PRH1: variants seen among roughly 807,000 people sequenced by gnomAD.
PRH1 encodes salivary acidic proline-rich phosphoprotein 1/2.
Under a neutral mutation model 7.9 loss-of-function variants are expected in PRH1, and 7 were observed. The observed-to-expected ratio is 0.89, with a 90% CI of 0.50 to 1.67. The LOEUF is 1.67. Ranked by LOEUF, PRH1 falls within the 40% of genes most tolerant of loss-of-function variation. PRH1 has a pLI of 0.00. For missense variants in PRH1, 109 were observed against 223.6 expected (o/e 0.49, Z 3.27); for synonymous variants, 45 against 80.8 (o/e 0.56, Z 2.38).
intron 1 of PRH1, among the ~76,000 whole-genome samples, chr12:11,103,984 C>T (rs1030335076): frequency 1.3e-5 from 2 of 151,912 alleles, no homozygotes; most frequent in African/African-American, 4.8e-5. Context: ...GATAATCACA[C>T]GTGTTTAGAT....
intron 1 of PRH1, among the ~76,000 whole-genome samples, chr12:11,170,462 G>T (rs1947794477): frequency 6.6e-6 from 1 of 152,232 alleles, no homozygotes; most frequent in South Asian, 2.1e-4. Context: ...CAGGAGAATG[G>T]CGTGAACCCG....
chr12:10,942,614 A>C (rs1390079729), intron 2 of PRH1, among the ~76,000 whole-genome samples: 1 of 152,172 alleles, frequency 6.6e-6, no homozygotes, highest in Non-Finnish European at 1.5e-5. Context: ...AGGGCTGAGA[A>C]CTTGCCACAG....
chr12:11,149,071 C>T (rs1458926562), intron 1 of PRH1, among the ~76,000 whole-genome samples: 4 of 151,408 alleles, frequency 2.6e-5, no homozygotes, highest in African/African-American at 4.8e-5. Context: ...AGTTTATTTG[C>T]GTAGAGGTGT....
At chr12:11,152,315 A>G (rs1017411767) in intron 1 of PRH1, among the ~76,000 whole-genome samples, 1 of 121,004 alleles carries the variant, frequency 8.3e-6, no homozygotes, top group African/African-American at 2.9e-5. Flanking sequence ...CTTTTGGAAA[A>G]GATAATTTGT....
At chr12:11,073,825 G>C (rs1944185535) in intron 1 of PRH1, among the ~76,000 whole-genome samples, 1 of 152,162 alleles carries the variant, frequency 6.6e-6, no homozygotes, top group Non-Finnish European at 1.5e-5. Flanking sequence ...CAAGCCCGTA[G>C]GAGAGGAGAA....
At chr12:11,084,436 G>T (rs2136239899) in intron 1 of PRH1, among the ~76,000 whole-genome samples, 1 of 150,184 alleles carries the variant, frequency 6.7e-6, no homozygotes, top group South Asian at 2.1e-4. Flanking sequence ...TGATATGCAT[G>T]TGTGTCTATA....
chr12:11,019,600 A>C (rs1046440853), intron 1 of PRH1, among the ~76,000 whole-genome samples: 2 of 152,294 alleles, frequency 1.3e-5, no homozygotes, highest in African/African-American at 2.4e-5. Context: ...TCAATTTTTA[A>C]AAATGAAATG....
At position 11,025,100 on chromosome 12, in the gene PRH1, G is replaced by T. The variant is rs541645783; in HGVS notation, c.-126+21920C>A. Reference sequence around the variant, plus strand: ...GTGGCACGATCTCTGCTCACTGAAAGCTCCGCCTTCCGGGTTTAGCCATTC... The same window carrying T: ...GTGGCACGATCTCTGCTCACTGAAATCTCCGCCTTCCGGGTTTAGCCATTC... On this transcript the variant is annotated intron_variant, in intron 1 of 3. Transcript: ENST00000539853. Among the ~76,000 whole-genome samples, 188 of 149,712 alleles carry T rather than the reference G, an allele frequency of 1.3e-3. 1 individual carries two copies. The highest frequency in any genetic ancestry group is 3.7e-3 in the African/African-American group (150 of 40,620).
chr12:11,122,429 A>C (rs1945939811), intron 1 of PRH1, among the ~76,000 whole-genome samples: 1 of 152,268 alleles, frequency 6.6e-6, no homozygotes, highest in Admixed American at 6.5e-5. Context: ...GTTTTGGAGG[A>C]TTTTCTCTTG....
rs202222115 is a variant in PRH1 at position 10,937,230 on chromosome 12, C to G, written c.-59+36425G>C. Among the ~76,000 whole-genome samples the G allele has an allele frequency of 2.4e-4, 33 of 135,820 alleles. 1 individual carries two copies. The highest frequency in any genetic ancestry group is 2.0e-3 in the South Asian group (8 of 4,088). 89.1% of individuals were successfully genotyped at this position (135,820 alleles called of 152,430 possible). A position where few individuals can be genotyped will look rare whatever the true frequency, so the allele number is the denominator to read the frequency against. On this transcript the variant is annotated intron_variant, in intron 2 of 3. Transcript: ENST00000539853. ...TCTCTCTCTCTCTCTCTCTCTCTCT[C>G]TCTGTGTGTGTGTGTGCGTGCGTGT...
At chr12:10,916,040 T>G (rs188641055) in intron 2 of PRH1, among the ~76,000 whole-genome samples, 2 of 152,334 alleles carry the variant, frequency 1.3e-5, no homozygotes, top group African/African-American at 2.4e-5. Context: ...GAAAGAGGTT[T>G]AATGAACTCA....
At chr12:10,899,254 G>A (rs1199123566) in intron 2 of PRH1, among the ~76,000 whole-genome samples, 2 of 150,278 alleles carry the variant, frequency 1.3e-5, no homozygotes, top group African/African-American at 4.8e-5. Flanking sequence ...AGAATTGGGG[G>A]ACTATTGTTG....
chr12:11,052,991 T>G (rs1469199784), intron 1 of PRH1, among the ~76,000 whole-genome samples: 2 of 15,900 alleles, frequency 1.3e-4, no homozygotes, highest in Admixed American at 1.5e-3. Context: ...TTCCCAACAC[T>G]TTAGTCAGAG....
At chr12:10,925,036 G>A (rs774598087) in intron 2 of PRH1, among the ~76,000 whole-genome samples, 3 of 152,086 alleles carry the variant, frequency 2.0e-5, no homozygotes, top group Non-Finnish European at 4.4e-5. Context: ...GTTTCTTGCT[G>A]TCTGCTAGCT....
At chr12:11,154,413 A>G (rs1209609951) in intron 1 of PRH1, among the ~76,000 whole-genome samples, 1 of 152,238 alleles carries the variant, frequency 6.6e-6, no homozygotes, top group Non-Finnish European at 1.5e-5. Flanking sequence ...GACCCAAAGC[A>G]GGGGCCAGAC....
chr12:11,022,712 G>C (rs1591829362), intron 1 of PRH1: 1 of 640,226 alleles, frequency 1.6e-6, no homozygotes, highest in East Asian at 2.7e-5. Flanking sequence ...AGTGTCAACA[G>C]GCAAGCACCA....
chr12:11,008,997 A>G (rs1206181876), intron 1 of PRH1, among the ~76,000 whole-genome samples: 1 of 150,912 alleles, frequency 6.6e-6, no homozygotes, highest in Non-Finnish European at 1.5e-5. Flanking sequence ...TACTATTTGC[A>G]TATATCTTAT....
At chr12:10,973,989 A>C (rs755996829) in intron 1 of PRH1, among the ~76,000 whole-genome samples, 5 of 152,250 alleles carry the variant, frequency 3.3e-5, no homozygotes, top group Admixed American at 6.5e-5. Flanking sequence ...GGGGGATTAC[A>C]GTTTCTCATT....
At chr12:11,168,232 GA>G (rs1376150096) in intron 1 of PRH1, among the ~76,000 whole-genome samples, 1 of 4,904 alleles carries the variant, frequency 2.0e-4, no homozygotes, top group African/African-American at 3.8e-4. Flanking sequence ...AAGAAAGAAA[GA>G]AAGAAAGAAA....
Sources: allele counts gnomAD v4.1 joint callset (sites outside exome capture counted in the v4.1 genomes callset), GRCh38; gene constraint gnomAD v4.1.1; transcripts MANE v1.5; gene names NCBI Gene and HGNC (gene_info 2026-07-23, HGNC 2026-07-21).